Variants in AMY2B observed in about 807,000 individuals in gnomAD.
AMY2B encodes alpha-amylase 2B.
AMY2B carries 63 observed loss-of-function variants against 59.3 expected under a neutral mutation model. The observed-to-expected ratio is 1.06, with a 90% CI of 0.87 to 1.31. The LOEUF is 1.31. AMY2B is among the 50% of genes most tolerant of loss of function. The pLI is 0.00. For missense variants in AMY2B, 635 were observed against 626.7 expected (o/e 1.01, Z -0.14); for synonymous variants, 180 against 198.1 (o/e 0.91, Z 0.77).
intron 1 of AMY2B, among the ~76,000 whole-genome samples, chr1:103,558,062 A>G (rs529760273): frequency 2.6e-5 from 4 of 152,336 alleles, no homozygotes; most frequent in Non-Finnish European, 2.9e-5. Flanking sequence ...TATATGCAAT[A>G]TACTATTGTT....
At chr1:103,570,695 T>C (rs1441188550), upstream of AMY2B, 4 of 564,040 alleles carry the variant, frequency 7.1e-6, no homozygotes, top group Non-Finnish European at 1.4e-5. Context: ...AGCAGATGGC[T>C]AGCAATTGCT....
intron 8 of AMY2B, 29 bp downstream of exon 8, chr1:103,577,637 T>C: frequency 4.3e-6 from 7 of 1,611,912 alleles, no homozygotes; most frequent in African/African-American, 1.3e-5. Context: ...ACATGTCCTC[T>C]AATAGTAAAC....
At chr1:103,574,611 G>A (rs1302980549) in intron 5 of AMY2B, among the ~76,000 whole-genome samples, 1 of 151,980 alleles carries the variant, frequency 6.6e-6, no homozygotes, top group Non-Finnish European at 1.5e-5. Flanking sequence ...ACATATCCTA[G>A]GAGTTTCCGT....
At position 103,577,542 on chromosome 1, in the gene AMY2B, T is replaced by G; in HGVS notation, c.1154T>G (p.Val385Gly). The change falls in exon 8 of 10, where the codon GTT becomes GGT. Residue 385 changes from valine to glycine, a missense_variant. By Grantham distance (109) the Val-to-Gly change is moderately radical. Coordinates refer to ENST00000684275, the MANE Select transcript of AMY2B (RefSeq NM_001387437.1). ...PPNNNGVIKE[V>G]TINPDTTCGN... is the part of the protein sequence containing the mutation. ...AATAATAATGGAGTAATTAAAGAAG[T>G]TACTATTAATCCAGACACTACTTGT... 6.2e-7 allele frequency: 1 copy of G among 1,611,858 alleles called. No homozygotes were observed. Among genetic ancestry groups the G allele is most frequent in the Non-Finnish European group, 8.5e-7 (1 of 1,179,792 alleles).
chr1:103,566,464 A>T (rs1010918025), intron 2 of AMY2B, among the ~76,000 whole-genome samples: 1 of 152,208 alleles, frequency 6.6e-6, no homozygotes, highest in Non-Finnish European at 1.5e-5. Context: ...TGTTTAGCCT[A>T]ATGTATCACA....
intron 7 of AMY2B, 108 bp downstream of exon 7, chr1:103,575,648 A>G: frequency 6.7e-7 from 1 of 1,496,860 alleles, no homozygotes; most frequent in South Asian, 1.3e-5. Flanking sequence ...ATAATTGATT[A>G]GAAACCTGAT....
At chr1:103,571,166 GC>G, upstream of AMY2B, 1 of 872,198 alleles carries the variant, frequency 1.1e-6, no homozygotes, top group Non-Finnish European at 1.4e-6. Flanking sequence ...TCTGTTGTCT[GC>G]CAGAACACCA....
At chr1:103,565,465 G>A (rs1198474980) in exon 2 of AMY2B, 1 of 152,324 alleles carries the variant, frequency 6.6e-6, no homozygotes, top group African/African-American at 2.4e-5. Context: ...GGAACCCATG[G>A]ATATGGAGGG....
intron 9 of AMY2B, among the ~76,000 whole-genome samples, chr1:103,578,097 T>A (rs567634939): frequency 6.6e-6 from 1 of 152,182 alleles, no homozygotes; most frequent in Non-Finnish European, 1.5e-5. Flanking sequence ...ATGCATATAT[T>A]GAATGCACAT....
intron 1 of AMY2B, among the ~76,000 whole-genome samples, chr1:103,563,127 A>T (rs1651789792): frequency 6.6e-6 from 1 of 152,052 alleles, no homozygotes; most frequent in Admixed American, 6.6e-5. Flanking sequence ...TATGAGCCCA[A>T]ATGAGAAGAG....
rs1652264709 is a variant in AMY2B at position 103,574,443 on chromosome 1, A to C, written c.878+50A>C. The C allele has an allele frequency of 2.5e-6, 4 of 1,607,498 alleles. No individual in the cohort carries two copies. In the East Asian group the frequency reaches 8.9e-5, roughly 36 times the overall value. ...GAAGTATTTCATAGATTTATTAGTC[A>C]TAGTACCCCAGTGTGAGTTATCTTC... is the stretch of plus-strand genomic sequence containing the variant. On this transcript the variant is annotated intron_variant, in intron 5 of 9. Transcript: ENST00000684275.
At chr1:103,558,435 AT>A (rs1651626605) in intron 1 of AMY2B, among the ~76,000 whole-genome samples, 1 of 152,240 alleles carries the variant, frequency 6.6e-6, no homozygotes. Flanking sequence ...CAAGAGAAGA[AT>A]AAATCATAGG....
At chr1:103,556,070 T>C (rs1483295837) in intron 1 of AMY2B, among the ~76,000 whole-genome samples, 2 of 152,106 alleles carry the variant, frequency 1.3e-5, no homozygotes, top group Admixed American at 1.3e-4. Flanking sequence ...TGTTATATTT[T>C]CTCAGAGAAA....
chr1:103,570,693 G>A, upstream of AMY2B: 1 of 563,378 alleles, frequency 1.8e-6, no homozygotes, highest in South Asian at 1.4e-5. Context: ...TGAGCAGATG[G>A]CTAGCAATTG....
At chr1:103,556,715 G>A (rs1570632798) in intron 1 of AMY2B, among the ~76,000 whole-genome samples, 1 of 151,936 alleles carries the variant, frequency 6.6e-6, no homozygotes, top group East Asian at 1.9e-4. Flanking sequence ...GGTGATGGAA[G>A]GAGATGAATT....
intron 1 of AMY2B, among the ~76,000 whole-genome samples, chr1:103,561,269 G>T (rs545033554): frequency 2.8e-4 from 43 of 151,856 alleles, no homozygotes; most frequent in African/African-American, 8.2e-4. Flanking sequence ...TTTTTTTTTG[G>T]TTTTTTGTTT....
rs1652486474 is a variant in AMY2B, at chr1:103,579,410, C to A, written c.1446C>A (p.Ile482=). 6.2e-7 allele frequency: 1 copy of A among 1,611,772 alleles called. No individual in the cohort carries two copies. Among genetic ancestry groups the A allele is most frequent in the East Asian group, 2.2e-5 (1 of 44,848 alleles). ...KINGNCTGIK[I]YVSDDGKAHF... ...ATGGCAATTGCACAGGCATTAAAAT[C>A]TACGTTTCTGACGATGGCAAAGCTC... Residue 482 remains isoleucine, a synonymous_variant, in exon 10 of 10, where the codon ATC becomes ATA. Transcript: ENST00000684275.
At chr1:103,562,014 G>C (rs1651749875) in intron 1 of AMY2B, 1 of 152,142 alleles carries the variant, frequency 6.6e-6, no homozygotes, top group African/African-American at 2.4e-5. Context: ...AGCAAAACCA[G>C]AACTGTGAGA....
intron 1 of AMY2B, among the ~76,000 whole-genome samples, chr1:103,564,412 T>A (rs1370564417): frequency 1.3e-5 from 2 of 152,132 alleles, no homozygotes; most frequent in African/African-American, 2.4e-5. Flanking sequence ...ATTCTGATAC[T>A]CACCCGTATC....
Sources: allele counts gnomAD v4.1 joint callset (sites outside exome capture counted in the v4.1 genomes callset), GRCh38; gene constraint gnomAD v4.1.1; transcripts MANE v1.5; gene names NCBI Gene and HGNC (gene_info 2026-07-23, HGNC 2026-07-21).